The following DNM2 variants were observed in gnomAD, a reference collection of about 807,000 sequenced individuals.
The protein encoded by DNM2 is dynamin 2.
DNM2 carries 15 observed loss-of-function variants against 99.0 expected under a neutral mutation model. The observed-to-expected ratio is 0.15, with a 90% CI of 0.10 to 0.23. DNM2 has a LOEUF of 0.23. Ranked by LOEUF, DNM2 falls within the 10% of genes least tolerant of loss-of-function variation. The probability of loss-of-function intolerance (pLI) is 1.00; values close to 1 mark genes in which losing one functional copy is unlikely to be tolerated. For missense variants in DNM2, 742 were observed against 1,189.4 expected (o/e 0.62, Z 5.53); for synonymous variants, 525 against 481.2 (o/e 1.09, Z -1.19).
intron 11 of DNM2, among the ~76,000 whole-genome samples, chr19:10,800,586 G>T (rs2072100949): frequency 6.6e-6 from 1 of 152,238 alleles, no homozygotes; most frequent in Non-Finnish European, 1.5e-5. Context: ...GAGCACCCTG[G>T]CATTTTCCAG....
At chr19:10,786,357 C>A in intron 6 of DNM2, 1 of 800,888 alleles carries the variant, frequency 1.2e-6, no homozygotes, top group Non-Finnish European at 2.0e-6. Context: ...TAGCCTCTTA[C>A]ACTCATGGGC....
intron 1 of DNM2, among the ~76,000 whole-genome samples, chr19:10,756,947 C>T (rs1190219029): frequency 6.6e-6 from 1 of 152,120 alleles, no homozygotes; most frequent in Non-Finnish European, 1.5e-5. Context: ...TCTCCTCTGC[C>T]CTGCATCAGC....
chr19:10,819,116 A>G (rs1424613697), intron 15 of DNM2, among the ~76,000 whole-genome samples: 2 of 152,168 alleles, frequency 1.3e-5, no homozygotes, highest in Non-Finnish European at 1.5e-5. Flanking sequence ...CTTCCTGAAC[A>G]GGGCCAACCT....
chr19:10,800,149 T>A (rs985564747), intron 11 of DNM2, among the ~76,000 whole-genome samples: 1 of 152,184 alleles, frequency 6.6e-6, no homozygotes, highest in Non-Finnish European at 1.5e-5. Flanking sequence ...GAGCCACTGC[T>A]CCCAGATCTG....
chr19:10,771,979 C>T (rs373693437), intron 2 of DNM2, among the ~76,000 whole-genome samples: 1 of 152,098 alleles, frequency 6.6e-6, no homozygotes, highest in Non-Finnish European at 1.5e-5. Context: ...CCCGCCTCCC[C>T]CAAGACCCTT....
chr19:10,825,548 A>C (rs2073115425), intron 18 of DNM2, among the ~76,000 whole-genome samples: 1 of 152,188 alleles, frequency 6.6e-6, no homozygotes, highest in Non-Finnish European at 1.5e-5. Flanking sequence ...TCACGCCTGT[A>C]ATCCCAGCTA....
At chr19:10,789,691 AG>A (rs991954570) in intron 7 of DNM2, among the ~76,000 whole-genome samples, 2 of 152,032 alleles carry the variant, frequency 1.3e-5, no homozygotes, top group Non-Finnish European at 2.9e-5. Context: ...AAAATTAGCC[AG>A]GTGTGGTGGT....
chr19:10,830,105 C>A lies in DNM2; in HGVS notation c.2292-22C>A. The A allele has an allele frequency of 1.9e-6, 3 of 1,613,790 alleles. No homozygotes were observed. The highest frequency in any genetic ancestry group is 2.5e-6 in the Non-Finnish European group (3 of 1,179,802). On this transcript the variant is annotated intron_variant, in intron 19 of 20. Coordinates refer to ENST00000389253, the MANE Select transcript of DNM2 (RefSeq NM_001005361.3). The surrounding 1 kb of genome is among the most constrained non-coding windows in gnomAD (Gnocchi z 4.8). ...TCCTACTCCATCTGTATCTGTAGCT[C>A]ACACCCTCTCCTTCCTCACAGCCCC...
chr19:10,801,920 A>C (rs1007008888), intron 11 of DNM2, among the ~76,000 whole-genome samples: 69 of 151,936 alleles, frequency 4.5e-4, no homozygotes, highest in Middle Eastern at 3.4e-3. Context: ...AAAAAAAAAA[A>C]AAAACAAAAA....
At chr19:10,803,863 G>A (rs1462615112) in intron 12 of DNM2, among the ~76,000 whole-genome samples, 1 of 152,210 alleles carries the variant, frequency 6.6e-6, no homozygotes, top group East Asian at 1.9e-4. Context: ...CTGTTTCAGA[G>A]CCTGCAGGCT....
chr19:10,736,860 C>T (rs1235783473), intron 1 of DNM2, among the ~76,000 whole-genome samples: 1 of 152,098 alleles, frequency 6.6e-6, no homozygotes, highest in African/African-American at 2.4e-5. Flanking sequence ...TAAGAATATC[C>T]TTCCTAGCTG....
chr19:10,819,886 G>A, intron 15 of DNM2, 94 bp from the exon 16 acceptor site: 1 of 1,150,470 alleles, frequency 8.7e-7, no homozygotes, highest in Non-Finnish European at 1.3e-6. Flanking sequence ...GAAGCCCCCG[G>A]GGCTGGTGGT....
chr19:10,801,299 C>CT (rs1476400627), intron 11 of DNM2, among the ~76,000 whole-genome samples: 2 of 151,160 alleles, frequency 1.3e-5, no homozygotes, highest in African/African-American at 4.9e-5. Context: ...CAGTGAGACT[C>CT]TGTCTCCCAA....
chr19:10,802,634 C>T, intron 12 of DNM2: 1 of 504,268 alleles, frequency 2.0e-6, no homozygotes, highest in Non-Finnish European at 3.7e-6. Context: ...GAGGGGGAAG[C>T]CAGCCAGCTG....
chr19:10,817,317 A>G lies in DNM2; in HGVS notation c.1672-2663A>G, dbSNP rs2072782074. 2.4e-6 allele frequency: 1 copy of G among 423,868 alleles called. No homozygotes were observed. The highest frequency in any genetic ancestry group is 1.7e-5 in the South Asian group (1 of 59,088). 26.3% of individuals were successfully genotyped at this position (423,868 alleles called of 1,614,324 possible). ...CCTCTTCTCCCACCCAGGCCCTCGA[A>G]TCTTCTATGCGAGGCTCTGCCACAG... is the stretch of plus-strand genomic sequence containing the variant. On this transcript the variant is annotated intron_variant, in intron 15 of 20. Coordinates refer to ENST00000389253, the MANE Select transcript of DNM2 (RefSeq NM_001005361.3). The surrounding 1 kb of genome is among the most constrained non-coding windows in gnomAD (Gnocchi z 4.6).
At chr19:10,729,547 C>G (rs1293589369) in intron 1 of DNM2, among the ~76,000 whole-genome samples, 1 of 152,058 alleles carries the variant, frequency 6.6e-6, no homozygotes, top group Non-Finnish European at 1.5e-5. Flanking sequence ...GGTGCAGAGG[C>G]CTCGCACACA....
chr19:10,741,887 T>A (rs2069765248), intron 1 of DNM2, among the ~76,000 whole-genome samples: 1 of 151,802 alleles, frequency 6.6e-6, no homozygotes, highest in South Asian at 2.1e-4. Context: ...CCTTCCTCCC[T>A]CCCTTCCTCT....
chr19:10,764,033 C>A lies in DNM2; in HGVS notation c.235+4222C>A, dbSNP rs1434326706. Reference sequence around the variant, plus strand: ...GGGAGGTGGGTGGGAGGTAGGACGCCTTACTAAGAGGAGAGGAAAATGAAC... The same window carrying A: ...GGGAGGTGGGTGGGAGGTAGGACGCATTACTAAGAGGAGAGGAAAATGAAC... On this transcript the variant is annotated intron_variant, in intron 2 of 20. Coordinates refer to ENST00000389253, the MANE Select transcript of DNM2 (RefSeq NM_001005361.3). The surrounding 1 kb of genome is among the most constrained non-coding windows in gnomAD (Gnocchi z 4.1). Among the ~76,000 whole-genome samples the A allele has an allele frequency of 6.6e-6, 1 of 152,134 alleles. No homozygotes were observed. The highest frequency in any genetic ancestry group is 2.4e-5 in the African/African-American group (1 of 41,414).
intron 11 of DNM2, among the ~76,000 whole-genome samples, chr19:10,801,908 G>GAAA (rs34959391): frequency 3.0e-5 from 3 of 101,020 alleles, no homozygotes; most frequent in African/African-American, 1.2e-4. Context: ...CCGTCTCGAA[G>GAAA]AAAAAAAAAA....
Sources: allele counts gnomAD v4.1 joint callset (sites outside exome capture counted in the v4.1 genomes callset), GRCh38; gene constraint gnomAD v4.1.1; non-coding constraint Gnocchi (gnomAD v3.1); transcripts MANE v1.5; gene names NCBI Gene and HGNC (gene_info 2026-07-23, HGNC 2026-07-21).